The following PREX2 variants were observed in gnomAD, a reference collection of about 807,000 sequenced individuals.
PREX2 encodes the protein phosphatidylinositol-3,4,5-trisphosphate dependent Rac exchange factor 2, also known as phosphatidylinositol 3,4,5-trisphosphate-dependent Rac exchanger 2 protein.
Under a neutral mutation model 203.2 loss-of-function variants are expected in PREX2, and 107 were observed. The observed-to-expected ratio is 0.53, with a 90% CI of 0.45 to 0.62. The LOEUF is 0.62. Ranked by LOEUF, PREX2 falls within the 20% of genes least tolerant of loss-of-function variation. The pLI, the probability that PREX2 is intolerant of heterozygous loss-of-function variation, is 0.00. For synonymous variants in PREX2, 672 were observed against 663.6 expected, an observed-to-expected ratio of 1.01 and a Z score of -0.19; for missense variants, 1,777 against 1,955.9, an observed-to-expected ratio of 0.91 and a Z score of 1.72.
At chr8:68,116,012 A>C (rs1352769339) in intron 26 of PREX2, 80 bp downstream of exon 26, 3 of 1,293,536 alleles carry the variant, frequency 2.3e-6, no homozygotes, top group African/African-American at 1.5e-5. Flanking sequence ...TCTTGAAAAA[A>C]GTTTTTGATT....
intron 30 of PREX2, among the ~76,000 whole-genome samples, chr8:68,125,366 T>C (rs888558159): frequency 6.6e-6 from 1 of 152,134 alleles, no homozygotes; most frequent in African/African-American, 2.4e-5. Context: ...ATTTCTAATG[T>C]TTTTCCTAGT....
intron 8 of PREX2, among the ~76,000 whole-genome samples, chr8:68,050,062 G>GTGTATATATA (rs1554571130): frequency 1.3e-5 from 2 of 151,180 alleles, no homozygotes; most frequent in Admixed American, 6.6e-5. Flanking sequence ...ATGTATGTGT[G>GTGTATATATA]TATATATATA....
At chr8:67,994,566 GA>G (rs943754815) in intron 1 of PREX2, among the ~76,000 whole-genome samples, 1 of 151,900 alleles carries the variant, frequency 6.6e-6, no homozygotes, top group Admixed American at 6.6e-5. Context: ...ACAATTGTTG[GA>G]AAAAAATGAA....
chr8:68,155,344 T>C (rs1454317455), intron 34 of PREX2, among the ~76,000 whole-genome samples: 4 of 152,188 alleles, frequency 2.6e-5, no homozygotes, highest in Non-Finnish European at 5.9e-5. Flanking sequence ...GTATGTTTTC[T>C]CCCTAATCTT....
In PREX2 at chr8:68,134,210, G is replaced by T; in HGVS notation, c.3918G>T (p.Arg1306Ser). 1 of 1,614,146 alleles carries T rather than the reference G, an allele frequency of 6.2e-7. No homozygotes were observed. The highest frequency in any genetic ancestry group is 8.5e-7 in the Non-Finnish European group (1 of 1,179,994). ...TGGAAACTTGGGAAGCCAGCAGGAG[G>T]TGGCTGGACCAGATAGCGAATGCAG... ...NEMETWEASR[R>S]WLDQIANAGV... is the part of the protein sequence containing the mutation. The change falls in exon 32 of 40, where the codon AGG becomes AGT. Residue 1306 changes from arginine (R) to serine (S), a missense_variant. Physicochemically the swap from Arg to Ser is moderately radical, Grantham distance 110. Transcript: ENST00000288368.
In PREX2 at chr8:68,007,654, G is replaced by A. The variant is rs554985480; in HGVS notation, c.142-10192G>A. On this transcript the variant is annotated intron_variant, in intron 1 of 39. Coordinates refer to ENST00000288368, the MANE Select transcript of PREX2 (RefSeq NM_024870.4). ...AGACGGAGTCTCGCTTTGTCGCCCA[G>A]GCTGGAGTGCAGTGGCGCCATCTTG... Among the ~76,000 whole-genome samples, 129 of 152,300 alleles carry A rather than the reference G, an allele frequency of 8.5e-4. 1 individual carries two copies. The highest frequency in any genetic ancestry group is 3.4e-3 in the Middle Eastern group (1 of 294).
chr8:67,974,314 A>G lies in PREX2; in HGVS notation c.141+21779A>G, dbSNP rs1157145601. 4.6e-5 allele frequency among the ~76,000 whole-genome samples: 7 copies of G among 152,178 alleles called. No homozygotes were observed. The East Asian group carries it at 1.3e-3, about 29-fold the overall frequency. On this transcript the variant is annotated intron_variant, in intron 1 of 39. Coordinates refer to ENST00000288368, the MANE Select transcript of PREX2 (RefSeq NM_024870.4). ...ATCTTGGTTGAGAAGAAACAACATGATTGCCATGAAAAAAGAAAAGAGAGA... is the reference window on the plus strand; with the variant it reads ...ATCTTGGTTGAGAAGAAACAACATGGTTGCCATGAAAAAAGAAAAGAGAGA...
chr8:68,155,031 G>A (rs1486154564), intron 34 of PREX2, among the ~76,000 whole-genome samples: 1 of 152,114 alleles, frequency 6.6e-6, no homozygotes, highest in African/African-American at 2.4e-5. Context: ...CCTTCTAGGT[G>A]GGTTACATTC....
chr8:68,047,469 T>TTA lies in PREX2; in HGVS notation c.943+2916_943+2917dup, dbSNP rs3056653. On this transcript the variant is annotated intron_variant, in intron 8 of 39. Transcript: ENST00000288368. ...GTTATAAATAATAAAATGGATGAAT[T>TTA]TATATATATATATATATATATATAT... Among the ~76,000 whole-genome samples, 602 of 117,536 alleles carry TTA rather than the reference T, an allele frequency of 5.1e-3. 2 individuals carry two copies. The highest frequency in any genetic ancestry group is 6.4e-3 in the Non-Finnish European group (364 of 57,276). 77.1% of individuals were successfully genotyped at this position (117,536 alleles called of 152,430 possible).
At chr8:68,227,446 C>T (rs1563596207) in intron 39 of PREX2, among the ~76,000 whole-genome samples, 1 of 152,100 alleles carries the variant, frequency 6.6e-6, no homozygotes, top group Non-Finnish European at 1.5e-5. Flanking sequence ...CTTGGTAGTA[C>T]TGAGATTGAG....
At position 68,097,092 on chromosome 8, in the gene PREX2, T is replaced by C. The variant is rs1810103726; in HGVS notation, c.2444T>C (p.Val815Ala). ...KEHVSLTVDNVHLEYGVVYEY... is the reference protein window; with the variant it reads ...KEHVSLTVDNAHLEYGVVYEY... ...CATGTGAGTCTGACAGTGGACAATG[T>C]CCACCTGGAATATGGTGTCGTGTAT... is the stretch of plus-strand genomic sequence containing the variant. The change falls in exon 22 of 40, where the codon GTC becomes GCC. Residue 815 changes from valine to alanine, a missense_variant. Coordinates refer to ENST00000288368, the MANE Select transcript of PREX2 (RefSeq NM_024870.4). The C allele has an allele frequency of 1.2e-6, 2 of 1,613,898 alleles. No homozygotes were observed. Among genetic ancestry groups the C allele is most frequent in the Admixed American group, 1.7e-5 (1 of 59,990 alleles).
chr8:68,204,300 C>A (rs1812566639), intron 37 of PREX2, among the ~76,000 whole-genome samples: 1 of 152,178 alleles, frequency 6.6e-6, no homozygotes, highest in African/African-American at 2.4e-5. Flanking sequence ...ACATACCTTA[C>A]TGGGCTTGCA....
intron 37 of PREX2, among the ~76,000 whole-genome samples, chr8:68,200,266 A>G (rs779301717): frequency 2.0e-5 from 3 of 152,152 alleles, no homozygotes; most frequent in Non-Finnish European, 2.9e-5. Flanking sequence ...ATACTACAAT[A>G]ACAGGGGCCT....
Position 67,967,538 on chromosome 8 carries a change from C to T in PREX2, c.141+15003C>T, listed in dbSNP as rs371788370. Reference sequence around the variant, plus strand: ...ATTCATCATGGATGGGAACCCAGCACGCTGTGCAGTTGGGGCACCATAGGC... The same window carrying T: ...ATTCATCATGGATGGGAACCCAGCATGCTGTGCAGTTGGGGCACCATAGGC... On this transcript the variant is annotated intron_variant, in intron 1 of 39. Transcript: ENST00000288368. Among the ~76,000 whole-genome samples the T allele has an allele frequency of 1.4e-3, 220 of 152,266 alleles. 2 individuals carry two copies. The highest frequency in any genetic ancestry group is 4.9e-3 in the African/African-American group (205 of 41,560).
chr8:68,032,635 A>G (rs1266834212), intron 6 of PREX2, among the ~76,000 whole-genome samples: 1 of 152,200 alleles, frequency 6.6e-6, no homozygotes, highest in African/African-American at 2.4e-5. Flanking sequence ...TGCTAGTCTC[A>G]TAGGACTCTC....
At chr8:68,121,320 AT>A (rs1303586327) in intron 30 of PREX2, among the ~76,000 whole-genome samples, 1 of 152,130 alleles carries the variant, frequency 6.6e-6, no homozygotes, top group African/African-American at 2.4e-5. Context: ...CGTGAAGAGA[AT>A]TTAAGACTCT....
At chr8:68,205,602 C>T (rs1812607445) in intron 37 of PREX2, among the ~76,000 whole-genome samples, 1 of 152,160 alleles carries the variant, frequency 6.6e-6, no homozygotes, top group African/African-American at 2.4e-5. Flanking sequence ...AATTCTTCCT[C>T]CATGGAAGGT....
At chr8:68,153,028 C>T (rs1028145570) in intron 34 of PREX2, among the ~76,000 whole-genome samples, 7 of 152,190 alleles carry the variant, frequency 4.6e-5, no homozygotes, top group Non-Finnish European at 1.5e-5. Flanking sequence ...GGCTGAGTGA[C>T]TTGTCATAAA....
intron 19 of PREX2, among the ~76,000 whole-genome samples, chr8:68,088,941 G>T (rs948466008): frequency 1.3e-5 from 2 of 152,168 alleles, no homozygotes; most frequent in Non-Finnish European, 2.9e-5. Context: ...GTTGGCCTAC[G>T]TCTGGTTTCT....
Sources: gnomAD v4.1 joint callset for allele counts (sites outside exome capture counted in the v4.1 genomes callset) on GRCh38, gnomAD v4.1.1 for gene constraint, MANE v1.5 for transcripts, NCBI Gene and HGNC (gene_info 2026-07-23, HGNC 2026-07-21) for gene names.